Variants in TRIM44 observed in about 807,000 individuals in gnomAD.
TRIM44 encodes the protein tripartite motif containing 44, also known as tripartite motif-containing protein 44.
A neutral mutation model predicts 37.4 loss-of-function variants in TRIM44; 13 were observed. That is an observed-to-expected ratio of 0.35 (90% CI 0.23 to 0.55). TRIM44 has a LOEUF of 0.55. Ranked by LOEUF, TRIM44 falls within the 20% of genes least tolerant of loss-of-function variation. The probability of loss-of-function intolerance (pLI) is 0.89; values close to 1 mark genes in which losing one functional copy is unlikely to be tolerated. For synonymous variants in TRIM44, 175 were observed against 157.2 expected (o/e 1.11, Z -0.85); for missense variants, 426 against 437.2 (o/e 0.97, Z 0.23).
chr11:35,720,606 G>T (rs955127930), intron 2 of TRIM44, among the ~76,000 whole-genome samples: 3 of 152,162 alleles, frequency 2.0e-5, no homozygotes, highest in Non-Finnish European at 4.4e-5. Flanking sequence ...GGACATCCTT[G>T]CCTTGTTCCT....
Position 35,721,282 on chromosome 11 carries a change from A to C in TRIM44, c.748-4642A>C, listed in dbSNP as rs1018464338. 2.0e-5 allele frequency among the ~76,000 whole-genome samples: 3 copies of C among 152,196 alleles called. No individual in the cohort carries two copies. The East Asian group carries it at 5.8e-4, about 29-fold the overall frequency. ...TTTCTTTAAGCCACATTTCTTTTAA[A>C]AAATAGTTTTTAAAAAGTGTTACAT... On this transcript the variant is annotated intron_variant, in intron 2 of 4. Transcript: ENST00000299413.
At position 35,816,710 on chromosome 11, in the gene TRIM44, A is replaced by C. The variant is rs956554161; in HGVS notation, c.*10325A>C. The C allele has an allele frequency of 1.3e-5, 2 of 152,214 alleles. No homozygotes were observed. Among genetic ancestry groups the C allele is most frequent in the Non-Finnish European group, 2.9e-5 (2 of 68,040 alleles). 9.4% of individuals were successfully genotyped at this position (152,214 alleles called of 1,614,324 possible). A position where few individuals can be genotyped will look rare whatever the true frequency, so the allele number is the denominator to read the frequency against. ...GCTCCTGATACTAGGTTTTAGAAGC[A>C]TACAGACTTGGTTTTAGTACTGGCT... On this transcript the variant is annotated 3_prime_UTR_variant, in exon 5 of 5. Coordinates refer to ENST00000299413, the MANE Select transcript of TRIM44 (RefSeq NM_017583.6).
intron 4 of TRIM44, among the ~76,000 whole-genome samples, chr11:35,757,505 C>T (rs1262991398): frequency 6.6e-6 from 1 of 152,102 alleles, no homozygotes; most frequent in Admixed American, 6.6e-5. Flanking sequence ...TCCTTCAGTT[C>T]TGTTCTGATC....
At chr11:35,775,096 C>A (rs1046034238) in intron 4 of TRIM44, among the ~76,000 whole-genome samples, 2 of 152,210 alleles carry the variant, frequency 1.3e-5, no homozygotes, top group African/African-American at 2.4e-5. Flanking sequence ...TCTTCCTATG[C>A]ATGAGCATGG....
chr11:35,743,042 T>C (rs1852433941), intron 4 of TRIM44, among the ~76,000 whole-genome samples: 1 of 151,888 alleles, frequency 6.6e-6, no homozygotes, highest in Non-Finnish European at 1.5e-5. Context: ...TCCAACTAAC[T>C]CAGGATAAAG....
At chr11:35,766,345 T>C (rs922259712) in intron 4 of TRIM44, among the ~76,000 whole-genome samples, 2 of 152,144 alleles carry the variant, frequency 1.3e-5, no homozygotes, top group Non-Finnish European at 2.9e-5. Flanking sequence ...GGGTTGGGAA[T>C]TTATCTGGTT....
chr11:35,770,725 A>G (rs1429958260), intron 4 of TRIM44, among the ~76,000 whole-genome samples: 1 of 152,014 alleles, frequency 6.6e-6, no homozygotes, highest in Non-Finnish European at 1.5e-5. Flanking sequence ...CCCAAATCTC[A>G]TCTTGAATTC....
chr11:35,711,137 G>A (rs112028822), intron 2 of TRIM44, among the ~76,000 whole-genome samples: 12 of 152,232 alleles, frequency 7.9e-5, no homozygotes, highest in African/African-American at 2.9e-4. Flanking sequence ...GCACAACTCT[G>A]GGAATATACT....
intron 4 of TRIM44, among the ~76,000 whole-genome samples, chr11:35,796,712 A>C (rs1452959369): frequency 6.6e-6 from 1 of 152,192 alleles, no homozygotes; most frequent in Admixed American, 6.5e-5. Context: ...GGGGGAGGAA[A>C]GGGAAGCTGG....
intron 2 of TRIM44, among the ~76,000 whole-genome samples, chr11:35,690,631 T>C (rs1851628032): frequency 6.6e-6 from 1 of 152,210 alleles, no homozygotes; most frequent in Non-Finnish European, 1.5e-5. Flanking sequence ...GATGAGTTAC[T>C]AGAATTATTG....
At chr11:35,804,639 G>T (rs1853424636) in intron 4 of TRIM44, among the ~76,000 whole-genome samples, 1 of 152,186 alleles carries the variant, frequency 6.6e-6, no homozygotes, top group South Asian at 2.1e-4. Flanking sequence ...GCTCTGCCTT[G>T]ATTCTGGTGA....
intron 4 of TRIM44, among the ~76,000 whole-genome samples, chr11:35,790,855 C>G (rs1281110542): frequency 1.3e-5 from 2 of 152,104 alleles, no homozygotes; most frequent in Non-Finnish European, 2.9e-5. Flanking sequence ...AGAACACTTA[C>G]TAAAAGGGCA....
chr11:35,726,286 T>G, intron 3 of TRIM44, 123 bp downstream of exon 3: 1 of 1,293,648 alleles, frequency 7.7e-7, no homozygotes. Flanking sequence ...GTATAAGTGT[T>G]TCACATGGTG....
intron 1 of TRIM44, among the ~76,000 whole-genome samples, chr11:35,672,839 A>C (rs1025906476): frequency 6.6e-6 from 1 of 152,176 alleles, no homozygotes; most frequent in Non-Finnish European, 1.5e-5. Flanking sequence ...GATATAGGTC[A>C]CCTTCTAATT....
At position 35,770,281 on chromosome 11, in the gene TRIM44, A is replaced by G. The variant is rs187628418; in HGVS notation, c.1007+34836A>G. Among the ~76,000 whole-genome samples the G allele has an allele frequency of 4.5e-4, 68 of 152,314 alleles. 1 individual carries two copies. The highest frequency in any genetic ancestry group is 1.6e-3 in the African/African-American group (66 of 41,576). ...TAGTATTCCATGGTGTCTTTGTATC[A>G]TATTTGCTTTATCCAGTGCACTGCT... On this transcript the variant is annotated intron_variant, in intron 4 of 4. Transcript: ENST00000299413.
intron 4 of TRIM44, among the ~76,000 whole-genome samples, chr11:35,775,656 T>G (rs1430760358): frequency 6.6e-6 from 1 of 152,194 alleles, no homozygotes; most frequent in Non-Finnish European, 1.5e-5. Context: ...CAGTACCTAG[T>G]TTATGGAGAG....
intron 4 of TRIM44, among the ~76,000 whole-genome samples, chr11:35,760,114 G>C (rs1852702266): frequency 6.6e-6 from 1 of 152,218 alleles, no homozygotes; most frequent in Admixed American, 6.5e-5. Flanking sequence ...AGGCAGGCAG[G>C]CCTCCTTGAG....
chr11:35,778,523 A>G (rs534641290), intron 4 of TRIM44, among the ~76,000 whole-genome samples: 2 of 152,248 alleles, frequency 1.3e-5, no homozygotes, highest in Admixed American at 1.3e-4. Flanking sequence ...GCGTTCCTTT[A>G]GAGGAGAAGA....
At chr11:35,745,102 G>A (rs927598597) in intron 4 of TRIM44, among the ~76,000 whole-genome samples, 25 of 152,036 alleles carry the variant, frequency 1.6e-4, no homozygotes, top group Admixed American at 1.5e-3. Flanking sequence ...GGGATTGCTG[G>A]GTCAAATGGT....
Sources: allele counts gnomAD v4.1 joint callset (sites outside exome capture counted in the v4.1 genomes callset), GRCh38; gene constraint gnomAD v4.1.1; transcripts MANE v1.5; gene names NCBI Gene and HGNC (gene_info 2026-07-23, HGNC 2026-07-21).